Variants in RASGRF1 observed in about 807,000 individuals in gnomAD.
RASGRF1 encodes ras-specific guanine nucleotide-releasing factor 1.
A neutral mutation model predicts 138.7 loss-of-function variants in RASGRF1; 40 were observed. That is an observed-to-expected ratio of 0.29 (90% CI 0.22 to 0.38). The LOEUF is 0.38. RASGRF1 is among the 10% of genes least tolerant of loss of function. The probability of loss-of-function intolerance (pLI) is 1.00; values close to 1 mark genes in which losing one functional copy is unlikely to be tolerated. For synonymous variants in RASGRF1, 614 were observed against 663.2 expected (o/e 0.93, Z 1.14); for missense variants, 1,108 against 1,650.4 (o/e 0.67, Z 5.69).
intron 3 of RASGRF1, among the ~76,000 whole-genome samples, chr15:79,058,041 G>A (rs2057533801): frequency 6.6e-6 from 1 of 152,190 alleles, no homozygotes; most frequent in Admixed American, 6.5e-5. Flanking sequence ...CTCACGACCT[G>A]GTCAGGTGTT....
rs1244552214 is a variant in RASGRF1, at chr15:78,973,622, TG to T, written c.3495-203del. Among the ~76,000 whole-genome samples, 1 of 152,034 alleles carries T rather than the reference TG, an allele frequency of 6.6e-6. No individual in the cohort carries two copies. The highest frequency in any genetic ancestry group is 1.5e-5 in the Non-Finnish European group (1 of 67,984). ...TCTCAGGGCCAGTCCTCTGGGGTGG[TG>T]GGGGCAACATGGTGCTGACTGGGGC... On this transcript the variant is annotated intron_variant, in intron 24 of 26. Transcript: ENST00000558480. This position sits in a 1 kb window ranked among gnomAD's most constrained non-coding sequence, Gnocchi z 4.9.
chr15:78,966,974 A>G (rs563198084), intron 26 of RASGRF1, among the ~76,000 whole-genome samples: 6 of 152,174 alleles, frequency 3.9e-5, no homozygotes, highest in Non-Finnish European at 7.4e-5. Flanking sequence ...AAAATATCTT[A>G]TTATAGTTAA....
At chr15:79,017,742 G>A (rs766998607) in intron 12 of RASGRF1, 28 bp downstream of exon 12, 42 of 1,582,954 alleles carry the variant, frequency 2.7e-5, no homozygotes, top group Middle Eastern at 1.8e-4. Flanking sequence ...GGGACCACTC[G>A]CTTTCAGGAA....
At chr15:78,972,791 T>C (rs1002593659) in intron 25 of RASGRF1, among the ~76,000 whole-genome samples, 2 of 152,192 alleles carry the variant, frequency 1.3e-5, no homozygotes, top group Non-Finnish European at 2.9e-5. Context: ...CCTCAGCCCT[T>C]ATCCCAAGTT....
At chr15:79,008,569 G>A (rs977463947) in intron 13 of RASGRF1, among the ~76,000 whole-genome samples, 5 of 152,284 alleles carry the variant, frequency 3.3e-5, no homozygotes, top group Admixed American at 3.3e-4. Flanking sequence ...AGGATTTCCT[G>A]GACATGAAAA....
rs1440552056 is a variant in RASGRF1 at position 78,978,634 on chromosome 15, T to C, written c.3494+1986A>G. 7 of 1,000,098 alleles carry C rather than the reference T, an allele frequency of 7.0e-6. No individual in the cohort carries two copies. The South Asian group carries it at 1.3e-4, about 19-fold the overall frequency. 62.0% of individuals were successfully genotyped at this position (1,000,098 alleles called of 1,614,324 possible). A position where few individuals can be genotyped will look rare whatever the true frequency, so the allele number is the denominator to read the frequency against. Reference sequence around the variant, plus strand: ...CAGGACTCCTTCTCTGGGGAGGTCATTGGCTATGCCCATGGACTGCCACCT... The same window carrying C: ...CAGGACTCCTTCTCTGGGGAGGTCACTGGCTATGCCCATGGACTGCCACCT... On this transcript the variant is annotated intron_variant, in intron 24 of 26. Coordinates refer to ENST00000558480, the MANE Select transcript of RASGRF1 (RefSeq NM_001145648.3).
chr15:79,016,860 C>T (rs117073529), intron 12 of RASGRF1, among the ~76,000 whole-genome samples: 3,986 of 152,288 alleles, frequency 0.026, 70 homozygotes, highest in Non-Finnish European at 0.042. Flanking sequence ...GAAGATGCTG[C>T]CCTGCCCTTT....
In RASGRF1 at chr15:78,971,618, G is replaced by C. The variant is rs565532680; in HGVS notation, c.3681+248C>G. On this transcript the variant is annotated intron_variant, in intron 26 of 26. Coordinates refer to ENST00000558480, the MANE Select transcript of RASGRF1 (RefSeq NM_001145648.3). The stretch of plus-strand genomic sequence containing the variant: ...TATCAACTCTGCCTGTCTTGCCCTG[G>C]GGGAGATTAGACATGAATATAAACC... Among the ~76,000 whole-genome samples the C allele has an allele frequency of 2.0e-5, 3 of 152,320 alleles. No homozygotes were observed. In the South Asian group the frequency reaches 6.2e-4, roughly 32 times the overall value.
intron 5 of RASGRF1, among the ~76,000 whole-genome samples, chr15:79,039,456 T>C (rs2057267213): frequency 6.6e-6 from 1 of 152,136 alleles, no homozygotes; most frequent in Admixed American, 6.6e-5. Context: ...TAATTACAGG[T>C]GGGGAATTCT....
At chr15:79,060,624 G>C (rs1292943280) in intron 2 of RASGRF1, among the ~76,000 whole-genome samples, 1 of 152,182 alleles carries the variant, frequency 6.6e-6, no homozygotes, top group African/African-American at 2.4e-5. Flanking sequence ...ACCCCTCCCT[G>C]GGTTATCATA....
At chr15:79,013,405 C>T (rs919449327) in intron 13 of RASGRF1, among the ~76,000 whole-genome samples, 4 of 152,244 alleles carry the variant, frequency 2.6e-5, no homozygotes, top group African/African-American at 9.6e-5. Flanking sequence ...ACTGCCTCGG[C>T]TAGCTCCTGG....
chr15:79,067,863 C>G (rs1408727567), intron 1 of RASGRF1, among the ~76,000 whole-genome samples: 1 of 152,010 alleles, frequency 6.6e-6, no homozygotes, highest in Non-Finnish European at 1.5e-5. Context: ...AGAGTATAAT[C>G]CACTGGGAAA....
At chr15:78,971,051 C>T (rs1169496693) in intron 26 of RASGRF1, among the ~76,000 whole-genome samples, 1 of 152,138 alleles carries the variant, frequency 6.6e-6, no homozygotes, top group Non-Finnish European at 1.5e-5. Context: ...GGTCACTGTA[C>T]TTAGCATTAC....
At chr15:79,014,941 AAAACAAAAAAC>A (rs2056855658) in intron 13 of RASGRF1, among the ~76,000 whole-genome samples, 1 of 151,482 alleles carries the variant, frequency 6.6e-6, no homozygotes, top group Admixed American at 6.6e-5. Flanking sequence ...CAAAAAACAA[AAAACAAAAAAC>A]AAACAAAACA....
intron 13 of RASGRF1, among the ~76,000 whole-genome samples, chr15:79,014,350 C>T (rs541932210): frequency 6.6e-6 from 1 of 152,350 alleles, no homozygotes; most frequent in South Asian, 2.1e-4. Flanking sequence ...AAATGTCCAT[C>T]AATCAATGAG....
At chr15:78,971,015 A>G (rs74024496) in intron 26 of RASGRF1, among the ~76,000 whole-genome samples, 10,740 of 152,194 alleles carry the variant, frequency 0.071, 1,215 homozygotes, top group African/African-American at 0.24. Context: ...CTCTGCAGCC[A>G]GCCATTTGGT....
chr15:79,014,637 G>A (rs1373870474), intron 13 of RASGRF1, among the ~76,000 whole-genome samples: 1 of 152,128 alleles, frequency 6.6e-6, no homozygotes, highest in Non-Finnish European at 1.5e-5. Flanking sequence ...AATTGGAGCC[G>A]GAGGCGGTGG....
rs574591262 is a variant in RASGRF1 at position 79,058,131 on chromosome 15, G to C, written c.531+203C>G. Among the ~76,000 whole-genome samples, 4 of 152,314 alleles carry C rather than the reference G, an allele frequency of 2.6e-5. No homozygotes were observed. In the South Asian group the frequency reaches 8.3e-4, roughly 32 times the overall value. On this transcript the variant is annotated intron_variant, in intron 3 of 26. Transcript: ENST00000558480. ...ACTTGTTCCAGGTTGCAGTCAATAA[G>C]TGACAGAGGTGAGATTTAAACCCAG...
chr15:78,977,491 C>G (rs1044027462), intron 24 of RASGRF1, among the ~76,000 whole-genome samples: 2 of 152,198 alleles, frequency 1.3e-5, no homozygotes, highest in Non-Finnish European at 2.9e-5. Context: ...CTAGGCTGCT[C>G]TGTGGTCACA....
Sources: gnomAD v4.1 joint callset for allele counts (sites outside exome capture counted in the v4.1 genomes callset) on GRCh38, gnomAD v4.1.1 for gene constraint, Gnocchi (gnomAD v3.1) non-coding constraint, MANE v1.5 for transcripts, NCBI Gene and HGNC (gene_info 2026-07-23, HGNC 2026-07-21) for gene names.